SLC28A1: variants seen among roughly 807,000 people sequenced by gnomAD.
SLC28A1 encodes solute carrier family 28 member 1, also known as sodium/nucleoside cotransporter 1.
In SLC28A1, 64 loss-of-function variants were observed where a neutral mutation model predicts 74.8. The observed-to-expected ratio is 0.86, with a 90% CI of 0.70 to 1.05. SLC28A1 has a LOEUF of 1.05. SLC28A1 is among the 50% of genes least tolerant of loss of function. The pLI is 0.00. For missense variants in SLC28A1, 828 were observed against 822.8 expected (o/e 1.01, Z -0.08); for synonymous variants, 359 against 335.0 (o/e 1.07, Z -0.78).
In SLC28A1 at chr15:84,900,273, T is replaced by A. The variant is rs189356532; in HGVS notation, c.462-3824T>A. On this transcript the variant is annotated intron_variant, in intron 6 of 18. Coordinates refer to ENST00000394573, the MANE Select transcript of SLC28A1 (RefSeq NM_004213.5). ...TGAACCTGGGAGGTGGAGGTTGCAGTGAGCCGAGATCACGCCACTGCACTC... is the reference window on the plus strand; with the variant it reads ...TGAACCTGGGAGGTGGAGGTTGCAGAGAGCCGAGATCACGCCACTGCACTC... Among the ~76,000 whole-genome samples the A allele has an allele frequency of 6.5e-3, 641 of 98,076 alleles. 6 individuals carry two copies. Among genetic ancestry groups the A allele is most frequent in the African/African-American group, 0.018 (612 of 34,836 alleles). 64.3% of individuals were successfully genotyped at this position (98,076 alleles called of 152,430 possible). A position where few individuals can be genotyped will look rare whatever the true frequency, so the allele number is the denominator to read the frequency against.
intron 9 of SLC28A1, among the ~76,000 whole-genome samples, chr15:84,914,610 A>G (rs4980347): frequency 0.6 from 90,652 of 151,968 alleles, 27,311 homozygotes; most frequent in Middle Eastern, 0.7. Context: ...CACAGATGCT[A>G]TGAGGATTCA....
chr15:84,886,989 A>G (rs1964676346), intron 2 of SLC28A1, among the ~76,000 whole-genome samples: 1 of 152,204 alleles, frequency 6.6e-6, no homozygotes, highest in African/African-American at 2.4e-5. Context: ...GGGAGAGAGG[A>G]GGTGTTAGTT....
downstream of SLC28A1, among the ~76,000 whole-genome samples, chr15:84,950,789 C>A (rs1416053905): frequency 6.6e-6 from 1 of 152,080 alleles, no homozygotes; most frequent in East Asian, 1.9e-4. Flanking sequence ...GAGCAGAAGT[C>A]CAGTAGGCAG....
the SLC28A1 span, among the ~76,000 whole-genome samples, chr15:84,962,704 C>A: frequency 6.6e-6 from 1 of 151,942 alleles, no homozygotes. Context: ...TGCACCAGGC[C>A]AAGGGTGGGC....
intron 6 of SLC28A1, among the ~76,000 whole-genome samples, chr15:84,898,071 T>C (rs1966195725): frequency 6.6e-6 from 1 of 152,212 alleles, no homozygotes; most frequent in African/African-American, 2.4e-5. Context: ...AGTTTGGCTA[T>C]TGGGAATCAT....
rs2079176595 is a variant in SLC28A1 at position 84,945,623 on chromosome 15, C to G, written c.*423C>G. 3.7e-6 allele frequency: 1 copy of G among 272,374 alleles called. No homozygotes were observed. The highest frequency in any genetic ancestry group is 2.2e-5 in the African/African-American group (1 of 45,602). 16.9% of individuals were successfully genotyped at this position (272,374 alleles called of 1,614,324 possible). On this transcript the variant is annotated 3_prime_UTR_variant, in exon 19 of 19. Transcript: ENST00000394573. ...CACTAGGATCTCTCTGTGGCTTCCC[C>G]TGCTGGGTGGTGTCACCTCTTTCTC... is the stretch of plus-strand genomic sequence containing the variant.
intron 5 of SLC28A1, among the ~76,000 whole-genome samples, chr15:84,893,233 TA>T (rs1567119345): frequency 2.0e-5 from 3 of 152,142 alleles, no homozygotes; most frequent in African/African-American, 7.2e-5. Context: ...CCCCACCTTG[TA>T]GGGGTCTTGT....
At chr15:84,965,901 G>T in the SLC28A1 span, among the ~76,000 whole-genome samples, 4 of 149,544 alleles carry the variant, frequency 2.7e-5, no homozygotes, top group Admixed American at 2.0e-4. Flanking sequence ...AGGGAGGCGG[G>T]GAGGGGGGGG....
chr15:84,887,702 G>C lies in SLC28A1; in HGVS notation c.-16-43G>C, dbSNP rs937397670. The stretch of plus-strand genomic sequence containing the variant: ...CGGGCCCCTAAACTGGGCCCTGCCC[G>C]GCCTCCCTTTCAGCGTTGGGCGCTC... On this transcript the variant is annotated intron_variant, in intron 2 of 18. Transcript: ENST00000394573. 2.0e-5 allele frequency: 32 copies of C among 1,595,266 alleles called. 1 individual carries two copies. The African/African-American group carries it at 2.0e-4, about 10-fold the overall frequency.
At position 84,904,194 on chromosome 15, in the gene SLC28A1, G is replaced by A. The variant is rs368877083; in HGVS notation, c.559G>A (p.Val187Met). ...ACTGGTGTCCTTCGCAGGAATCTGC[G>A]TGTTCGTCGCTCTCCTCTTTGCCTG... ...EQLVSFAGICVFVALLFACSK... is the reference protein window; with the variant it reads ...EQLVSFAGICMFVALLFACSK... Residue 187 changes from valine to methionine, a missense_variant, in exon 7 of 19, where the codon GTG (valine) becomes ATG (methionine). By Grantham distance (21) the Val-to-Met change is conservative (BLOSUM62 1). Around this residue, in one of 3 missense-constraint regions of SLC28A1, gnomAD observed 767 missense variants for 753.5 expected, o/e 1.02. Transcript: ENST00000394573. 18 of 1,614,074 alleles carry A rather than the reference G, an allele frequency of 1.1e-5. No individual in the cohort carries two copies. Among genetic ancestry groups the A allele is most frequent in the South Asian group, 5.5e-5 (5 of 91,078 alleles).
chr15:84,975,617 A>T, the SLC28A1 span: 1 of 451,606 alleles, frequency 2.2e-6, no homozygotes, highest in Admixed American at 2.4e-5. Context: ...TTTATTAAAG[A>T]AGCATCCTTA....
At chr15:84,919,227 T>C (rs1969513452) in intron 10 of SLC28A1, among the ~76,000 whole-genome samples, 2 of 152,208 alleles carry the variant, frequency 1.3e-5, no homozygotes, top group Non-Finnish European at 2.9e-5. Context: ...TCAGATCCTG[T>C]GCTTATGTTC....
At chr15:84,889,205 C>T (rs924019865) in intron 4 of SLC28A1, among the ~76,000 whole-genome samples, 1 of 152,120 alleles carries the variant, frequency 6.6e-6, no homozygotes, top group African/African-American at 2.4e-5. Flanking sequence ...CTGAAGACTC[C>T]GGTTAAAAAT....
chr15:84,957,827 A>C, the SLC28A1 span, among the ~76,000 whole-genome samples: 2 of 152,194 alleles, frequency 1.3e-5, no homozygotes, highest in African/African-American at 2.4e-5. Context: ...ATGAATTTTA[A>C]AATCACCTCA....
At chr15:84,915,946 G>C (rs56345240) in intron 9 of SLC28A1, among the ~76,000 whole-genome samples, 39,541 of 125,772 alleles carry the variant, frequency 0.31, 5,868 homozygotes, top group South Asian at 0.49. Context: ...TGTTGTTGTT[G>C]TTGTTGTTCT....
At chr15:84,965,909 G>C in the SLC28A1 span, among the ~76,000 whole-genome samples, 28 of 141,728 alleles carry the variant, frequency 2.0e-4, no homozygotes, top group African/African-American at 3.1e-4. Flanking sequence ...GGGGAGGGGG[G>C]GGAAATATTA....
At chr15:84,969,106 ACT>A in the SLC28A1 span, among the ~76,000 whole-genome samples, 1 of 152,000 alleles carries the variant, frequency 6.6e-6, no homozygotes, top group Non-Finnish European at 1.5e-5. Flanking sequence ...TAATGATATG[ACT>A]CTGGTTCTGC....
Position 84,890,133 on chromosome 15 carries a change from C to A in SLC28A1, c.186-310C>A, listed in dbSNP as rs540497720. Among the ~76,000 whole-genome samples the A allele has an allele frequency of 4.1e-4, 63 of 152,330 alleles. No individual in the cohort carries two copies. The South Asian group carries it at 0.013, about 31-fold the overall frequency. ...TACTGGTGTGAGCCACCGCGCCCCC[C>A]CACCGGCCACATTTCTGTATGTTGA... On this transcript the variant is annotated intron_variant, in intron 4 of 18. Coordinates refer to ENST00000394573, the MANE Select transcript of SLC28A1 (RefSeq NM_004213.5).
At chr15:84,898,913 C>T (rs1369886641) in intron 6 of SLC28A1, among the ~76,000 whole-genome samples, 2 of 152,138 alleles carry the variant, frequency 1.3e-5, no homozygotes, top group African/African-American at 2.4e-5. Flanking sequence ...GCAGGGTTCA[C>T]GTTGCAGAGC....
Sources: gnomAD v4.1 joint callset for allele counts (sites outside exome capture counted in the v4.1 genomes callset) on GRCh38, gnomAD v4.1.1 for gene constraint, gnomAD v4.1.1 regional missense constraint, MANE v1.5 for transcripts, NCBI Gene and HGNC (gene_info 2026-07-23, HGNC 2026-07-21) for gene names.